Variants in CTNNAL1 observed in about 807,000 individuals in gnomAD.
CTNNAL1 encodes alpha-catulin.
CTNNAL1 carries 69 observed loss-of-function variants against 93.6 expected under a neutral mutation model. The observed-to-expected ratio is 0.74, with a 90% CI of 0.61 to 0.90. The LOEUF (loss-of-function observed/expected upper bound fraction) is 0.90. Among genes scored for constraint, CTNNAL1 ranks in the 40% least tolerant of loss-of-function variants. CTNNAL1 has a pLI of 0.00. For missense variants in CTNNAL1, 836 were observed against 862.0 expected (o/e 0.97, Z 0.38); for synonymous variants, 286 against 305.4 (o/e 0.94, Z 0.66).
chr9:108,974,392 C>T (rs982990988), intron 8 of CTNNAL1, among the ~76,000 whole-genome samples: 1 of 151,804 alleles, frequency 6.6e-6, no homozygotes, highest in East Asian at 1.9e-4. Flanking sequence ...TTCCTTGTGT[C>T]AAGGGCAGCA....
intron 11 of CTNNAL1, among the ~76,000 whole-genome samples, chr9:108,957,116 A>ATT (rs760444621): frequency 2.5e-4 from 33 of 132,490 alleles, no homozygotes; most frequent in African/African-American, 3.3e-4. Flanking sequence ...GCCTGTTAGA[A>ATT]TTTTTTTTTT....
Position 109,013,333 on chromosome 9 carries a change from A to G in CTNNAL1, c.110T>C (p.Val37Ala). The change falls in exon 1 of 19, where the codon GTG becomes GCG. Residue 37 changes from valine (V) to alanine (A), a missense_variant. Coordinates refer to ENST00000325551, the MANE Select transcript of CTNNAL1 (RefSeq NM_003798.4). ...AACCAGCGGGAGTAGCGTCTGCTCC[A>G]CCGAGCGAGTTTTGATCTCCAGTCC... ...DSGLEIKTRS[V>A]EQTLLPLVSQ... 1 of 1,515,048 alleles carries G rather than the reference A, an allele frequency of 6.6e-7. No homozygotes were observed. Among genetic ancestry groups the G allele is most frequent in the Non-Finnish European group, 8.8e-7 (1 of 1,131,012 alleles). 93.9% of individuals were successfully genotyped at this position (1,515,048 alleles called of 1,614,324 possible).
chr9:108,957,760 G>C (rs1182809709), intron 11 of CTNNAL1, among the ~76,000 whole-genome samples: 1 of 152,094 alleles, frequency 6.6e-6, no homozygotes, highest in East Asian at 1.9e-4. Context: ...TTAATTCAAA[G>C]TCTGAATCCT....
chr9:108,952,769 C>G (rs765171468), intron 12 of CTNNAL1, among the ~76,000 whole-genome samples: 1 of 152,200 alleles, frequency 6.6e-6, no homozygotes, highest in Non-Finnish European at 1.5e-5. Context: ...CCTCTTTTCA[C>G]AAGGGCTTCC....
intron 1 of CTNNAL1, among the ~76,000 whole-genome samples, chr9:109,004,967 T>C (rs1233296393): frequency 6.6e-6 from 1 of 152,192 alleles, no homozygotes; most frequent in East Asian, 1.9e-4. Context: ...TAAAATTGCA[T>C]ACTTGGCTCA....
rs1313049340 is a variant in CTNNAL1 at position 108,978,632 on chromosome 9, C to CT, written c.1101+648dup. On this transcript the variant is annotated intron_variant, in intron 7 of 18. Coordinates refer to ENST00000325551, the MANE Select transcript of CTNNAL1 (RefSeq NM_003798.4). ...GAGATTGTGTACACACACTTCCTGT[C>CT]TGTCCCACTTCTGTCAGTCTTGGCC... Among the ~76,000 whole-genome samples, 5 of 152,348 alleles carry CT rather than the reference C, an allele frequency of 3.3e-5. No individual in the cohort carries two copies. The East Asian group carries it at 9.7e-4, about 29-fold the overall frequency.
At chr9:108,980,057 T>G (rs1831384272) in intron 6 of CTNNAL1, among the ~76,000 whole-genome samples, 1 of 152,214 alleles carries the variant, frequency 6.6e-6, no homozygotes, top group Admixed American at 6.5e-5. Flanking sequence ...GTCTGTATAA[T>G]CTAAAATGTA....
chr9:109,007,609 G>A (rs372214040), intron 1 of CTNNAL1, among the ~76,000 whole-genome samples: 4 of 152,280 alleles, frequency 2.6e-5, no homozygotes, highest in African/African-American at 7.2e-5. Context: ...AGGAGGTGGG[G>A]AGGTACTCTA....
At chr9:108,990,924 A>G in intron 3 of CTNNAL1, 79 bp from the exon 4 acceptor site, 1 of 1,490,246 alleles carries the variant, frequency 6.7e-7, no homozygotes, top group East Asian at 2.3e-5. Context: ...TAGAGAGAAG[A>G]AAAGGAAAAT....
At chr9:108,988,396 C>T (rs999415908) in intron 4 of CTNNAL1, among the ~76,000 whole-genome samples, 1 of 152,140 alleles carries the variant, frequency 6.6e-6, no homozygotes, top group African/African-American at 2.4e-5. Flanking sequence ...ACCACTGCCA[C>T]TTTCTACCAC....
Position 108,993,646 on chromosome 9 carries a change from T to C in CTNNAL1, c.332-827A>G, listed in dbSNP as rs1831900192. Among the ~76,000 whole-genome samples the C allele has an allele frequency of 3.3e-5, 5 of 152,214 alleles. 1 individual carries two copies. The highest frequency in any genetic ancestry group is 3.3e-4 in the Admixed American group (5 of 15,282). On this transcript the variant is annotated intron_variant, in intron 2 of 18. Coordinates refer to ENST00000325551, the MANE Select transcript of CTNNAL1 (RefSeq NM_003798.4). ...TGGTAATTATCTACTAATAAAACAA[T>C]CCAAGTATTCTTGTATTATAATACA...
At chr9:108,949,350 T>C (rs1830493268) in intron 14 of CTNNAL1, among the ~76,000 whole-genome samples, 1 of 152,110 alleles carries the variant, frequency 6.6e-6, no homozygotes, top group Non-Finnish European at 1.5e-5. Flanking sequence ...AAACAAAAAA[T>C]ACTGAGCATG....
At chr9:108,988,236 A>G (rs1831675534) in intron 4 of CTNNAL1, among the ~76,000 whole-genome samples, 1 of 152,174 alleles carries the variant, frequency 6.6e-6, no homozygotes, top group Non-Finnish European at 1.5e-5. Context: ...GGCACATGCC[A>G]CCACACTCAG....
At chr9:108,972,865 A>ACGG in intron 8 of CTNNAL1, 32 bp from the exon 9 acceptor site, 4 of 219,280 alleles carry the variant, frequency 1.8e-5, no homozygotes, top group South Asian at 9.6e-5. Context: ...GGGGGGTGGG[A>ACGG]GGGTGGAGAA....
At chr9:108,949,082 A>T (rs940053010) in intron 14 of CTNNAL1, among the ~76,000 whole-genome samples, 3 of 152,230 alleles carry the variant, frequency 2.0e-5, no homozygotes, top group African/African-American at 7.2e-5. Flanking sequence ...GAATGATTAC[A>T]TGTAAATCAT....
intron 11 of CTNNAL1, among the ~76,000 whole-genome samples, chr9:108,964,741 GTATTA>G (rs1336075654): frequency 2.6e-5 from 4 of 152,102 alleles, no homozygotes; most frequent in Admixed American, 2.6e-4. Context: ...AAGAGCTGTT[GTATTA>G]TAATTAAAAA....
At chr9:108,972,864 G>GGGGGGGGAGGA in intron 8 of CTNNAL1, 31 bp from the exon 9 acceptor site, 1 of 142,590 alleles carries the variant, frequency 7.0e-6, no homozygotes. Flanking sequence ...GGGGGGGTGG[G>GGGGGGGGAGGA]AGGGTGGAGA....
rs749912261 is a variant in CTNNAL1, at chr9:108,943,772, C to T, written c.1986G>A (p.Lys662=). 1 of 1,613,838 alleles carries T rather than the reference C, an allele frequency of 6.2e-7. No homozygotes were observed. Among genetic ancestry groups the T allele is most frequent in the African/African-American group, 1.3e-5 (1 of 75,030 alleles). Reference sequence around the variant, plus strand: ...GGAGCTGGTGGCATAGAGGAATTAGCTTGTTTATTTCCAGGAGAAGCATAA... The same window carrying T: ...GGAGCTGGTGGCATAGAGGAATTAGTTTGTTTATTTCCAGGAGAAGCATAA... ...DKLMLLLEIN[K]LIPLCHQLQT... Residue 662 remains lysine, a synonymous_variant, in exon 17 of 19, where the codon AAG becomes AAA. Coordinates refer to ENST00000325551, the MANE Select transcript of CTNNAL1 (RefSeq NM_003798.4).
chr9:108,979,784 A>C (rs1831374308), intron 6 of CTNNAL1, among the ~76,000 whole-genome samples: 1 of 152,258 alleles, frequency 6.6e-6, no homozygotes, highest in South Asian at 2.1e-4. Flanking sequence ...AGGAAAAATG[A>C]ACCAGCCTCC....
Sources: gnomAD v4.1 joint callset for allele counts (sites outside exome capture counted in the v4.1 genomes callset) on GRCh38, gnomAD v4.1.1 for gene constraint, MANE v1.5 for transcripts, NCBI Gene and HGNC (gene_info 2026-07-23, HGNC 2026-07-21) for gene names.